Variants in CCBE1 observed in about 807,000 individuals in gnomAD.
The protein encoded by CCBE1 is collagen and calcium-binding EGF domain-containing protein 1.
Under a neutral mutation model 50.0 loss-of-function variants are expected in CCBE1, and 37 were observed. The ratio of observed to expected loss-of-function variants is 0.74; its 90% confidence interval spans 0.57 to 0.97. CCBE1 has a LOEUF of 0.97. Ranked by LOEUF, CCBE1 falls within the 50% of genes least tolerant of loss-of-function variation. The pLI is 0.00. For synonymous variants in CCBE1, 234 were observed against 203.7 expected, an observed-to-expected ratio of 1.15 and a Z score of -1.27; for missense variants, 538 against 523.8, an observed-to-expected ratio of 1.03 and a Z score of -0.26.
chr18:59,573,253 C>T (rs973728731), intron 2 of CCBE1, among the ~76,000 whole-genome samples: 1 of 126,616 alleles, frequency 7.9e-6, no homozygotes, highest in African/African-American at 2.9e-5. Flanking sequence ...CCAGTGCACT[C>T]CAGCCTGGGC....
At chr18:59,693,684 T>C (rs986704838) in intron 2 of CCBE1, among the ~76,000 whole-genome samples, 2 of 152,072 alleles carry the variant, frequency 1.3e-5, no homozygotes, top group African/African-American at 2.4e-5. Context: ...AGACCAGAGA[T>C]TGTATTTTAT....
intron 2 of CCBE1, among the ~76,000 whole-genome samples, chr18:59,651,886 T>C (rs1021685125): frequency 6.6e-6 from 1 of 152,212 alleles, no homozygotes; most frequent in Non-Finnish European, 1.5e-5. Context: ...ATCAAGTCAG[T>C]GTATTCAGGG....
intron 2 of CCBE1, among the ~76,000 whole-genome samples, chr18:59,656,533 C>T (rs1004266548): frequency 6.6e-6 from 1 of 152,142 alleles, no homozygotes; most frequent in African/African-American, 2.4e-5. Context: ...TTAAATTGTT[C>T]TTAAAGGAAG....
At chr18:59,563,710 G>A (rs944691582) in intron 2 of CCBE1, 3 of 152,198 alleles carry the variant, frequency 2.0e-5, no homozygotes, top group Non-Finnish European at 4.4e-5. Context: ...AAGATGATCA[G>A]AAGCCAGTTC....
At chr18:59,618,346 A>C (rs981510926) in intron 2 of CCBE1, among the ~76,000 whole-genome samples, 12 of 152,160 alleles carry the variant, frequency 7.9e-5, no homozygotes, top group African/African-American at 1.2e-4. Context: ...AAAGAAAAAA[A>C]ATGAGATGTA....
At chr18:59,486,521 G>T (rs1037666147) in intron 2 of CCBE1, among the ~76,000 whole-genome samples, 2 of 152,194 alleles carry the variant, frequency 1.3e-5, no homozygotes, top group Non-Finnish European at 2.9e-5. Context: ...CACACCCTAT[G>T]GATTTAGGAG....
chr18:59,614,749 C>T (rs117066979), intron 2 of CCBE1, among the ~76,000 whole-genome samples: 1,606 of 152,376 alleles, frequency 0.011, 31 homozygotes, highest in South Asian at 0.037. Flanking sequence ...TTTGTCGTCA[C>T]AGTCCTAAAG....
rs139427534 is a variant in CCBE1, at chr18:59,531,722, C to T, written c.213-51484G>A. On this transcript the variant is annotated intron_variant, in intron 2 of 10. Coordinates refer to ENST00000439986, the MANE Select transcript of CCBE1 (RefSeq NM_133459.4). ...TCCTGCCACTGCACTCCAGCCTGGG[C>T]GACAAAGAAACCCTGTCTCAAAAAC... Among the ~76,000 whole-genome samples, 62 of 152,200 alleles carry T rather than the reference C, an allele frequency of 4.1e-4. 1 individual carries two copies. The East Asian group carries it at 0.011, about 27-fold the overall frequency.
In CCBE1 at chr18:59,534,837, A is replaced by G. The variant is rs1568192130; in HGVS notation, c.213-54599T>C. 3.3e-5 allele frequency among the ~76,000 whole-genome samples: 5 copies of G among 152,234 alleles called. No homozygotes were observed. In the South Asian group the frequency reaches 1.0e-3, roughly 32 times the overall value. ...ATTTTCTGTCTCCCAATAACAGACC[A>G]TGCATATAGAAATGCTCTCTTGAGC... is the stretch of plus-strand genomic sequence containing the variant. On this transcript the variant is annotated intron_variant, in intron 2 of 10. Transcript: ENST00000439986.
Position 59,482,772 on chromosome 18 carries a change from T to C in CCBE1, c.213-2534A>G, listed in dbSNP as rs143311859. ...CGCATTACTTTCCCCATTCCTTGCTTTCACCACTTCCATCATCATATATGA... is the reference window on the plus strand; with the variant it reads ...CGCATTACTTTCCCCATTCCTTGCTCTCACCACTTCCATCATCATATATGA... On this transcript the variant is annotated intron_variant, in intron 2 of 10. Coordinates refer to ENST00000439986, the MANE Select transcript of CCBE1 (RefSeq NM_133459.4). Among the ~76,000 whole-genome samples the C allele has an allele frequency of 3.3e-5, 5 of 152,140 alleles. No individual in the cohort carries two copies. The East Asian group carries it at 9.7e-4, about 29-fold the overall frequency.
At chr18:59,665,173 A>T (rs2054336478) in intron 2 of CCBE1, among the ~76,000 whole-genome samples, 1 of 118,894 alleles carries the variant, frequency 8.4e-6, no homozygotes, top group African/African-American at 4.0e-5. Flanking sequence ...TGTCAACCAG[A>T]GTCCCCCCGA....
At chr18:59,674,089 G>T (rs1304528134) in intron 2 of CCBE1, among the ~76,000 whole-genome samples, 1 of 152,098 alleles carries the variant, frequency 6.6e-6, no homozygotes, top group African/African-American at 2.4e-5. Context: ...TTTTTGGTTG[G>T]TAGGCTATTA....
chr18:59,464,056 A>T (rs1251687737), intron 5 of CCBE1: 1 of 152,246 alleles, frequency 6.6e-6, no homozygotes, highest in Non-Finnish European at 1.5e-5. Flanking sequence ...AGTAAAGGAC[A>T]TCATCTATGA....
At chr18:59,680,238 AG>A (rs1365438848) in intron 2 of CCBE1, among the ~76,000 whole-genome samples, 15 of 149,534 alleles carry the variant, frequency 1.0e-4, no homozygotes, top group African/African-American at 3.7e-4. Flanking sequence ...AAAAAAAAAA[AG>A]ACACACAACA....
intron 2 of CCBE1, among the ~76,000 whole-genome samples, chr18:59,580,078 T>C (rs2053059771): frequency 6.6e-6 from 1 of 152,166 alleles, no homozygotes; most frequent in African/African-American, 2.4e-5. Context: ...AGGCAGTTGT[T>C]GCTCTATTGT....
At chr18:59,548,691 C>T (rs1915801980) in intron 2 of CCBE1, among the ~76,000 whole-genome samples, 1 of 152,102 alleles carries the variant, frequency 6.6e-6, no homozygotes, top group South Asian at 2.1e-4. Flanking sequence ...GTGGCTCATG[C>T]CTGTAATCCC....
At chr18:59,452,985 C>T (rs1295758366) in intron 6 of CCBE1, among the ~76,000 whole-genome samples, 1 of 152,196 alleles carries the variant, frequency 6.6e-6, no homozygotes, top group Non-Finnish European at 1.5e-5. Context: ...AGCTCTCCAG[C>T]AGGGTCTTTG....
chr18:59,517,418 G>T (rs1914419090), intron 2 of CCBE1, among the ~76,000 whole-genome samples: 1 of 152,130 alleles, frequency 6.6e-6, no homozygotes, highest in Admixed American at 6.5e-5. Flanking sequence ...ATGCTCACAA[G>T]GATAAGCCTC....
chr18:59,535,804 C>T (rs1027740772), intron 2 of CCBE1, among the ~76,000 whole-genome samples: 14 of 152,166 alleles, frequency 9.2e-5, no homozygotes, highest in South Asian at 6.2e-4. Flanking sequence ...CTAAGAAAAA[C>T]GTACATATAT....
Sources: gnomAD v4.1 joint callset for allele counts (sites outside exome capture counted in the v4.1 genomes callset) on GRCh38, gnomAD v4.1.1 for gene constraint, MANE v1.5 for transcripts, NCBI Gene and HGNC (gene_info 2026-07-23, HGNC 2026-07-21) for gene names.